MEOX2: variants seen among roughly 807,000 people sequenced by gnomAD.
MEOX2 encodes the protein homeobox protein MOX-2.
MEOX2 carries 11 observed loss-of-function variants against 27.0 expected under a neutral mutation model. The ratio of observed to expected loss-of-function variants is 0.41; its 90% CI spans 0.26 to 0.68. The LOEUF (loss-of-function observed/expected upper bound fraction) is 0.68. MEOX2 is among the 30% of genes least tolerant of loss of function. The probability of loss-of-function intolerance (pLI) is 0.33; values close to 1 mark genes in which losing one functional copy is unlikely to be tolerated. For synonymous variants in MEOX2, 189 were observed against 155.4 expected (o/e 1.22, Z -1.61); for missense variants, 436 against 385.4 (o/e 1.13, Z -1.10).
At chr7:15,623,097 A>C (rs1781245868) in intron 2 of MEOX2, among the ~76,000 whole-genome samples, 1 of 152,202 alleles carries the variant, frequency 6.6e-6, no homozygotes, top group South Asian at 2.1e-4. Flanking sequence ...CAGCCCCAAT[A>C]GACTACAAGC....
At chr7:15,669,310 T>C (rs540380940) in intron 1 of MEOX2, among the ~76,000 whole-genome samples, 1 of 152,266 alleles carries the variant, frequency 6.6e-6, no homozygotes, top group African/African-American at 2.4e-5. Flanking sequence ...CACTTATTTA[T>C]ATTTGGCTCA....
intron 1 of MEOX2, among the ~76,000 whole-genome samples, chr7:15,652,472 T>C (rs576091971): frequency 1.1e-4 from 16 of 151,976 alleles, no homozygotes; most frequent in Non-Finnish European, 1.9e-4. Flanking sequence ...GCAATAACAC[T>C]GCCACATTGG....
At chr7:15,673,134 T>A (rs1226741219) in intron 1 of MEOX2, among the ~76,000 whole-genome samples, 1 of 152,144 alleles carries the variant, frequency 6.6e-6, no homozygotes, top group African/African-American at 2.4e-5. Flanking sequence ...CCAAGAACTG[T>A]GCACCTAAGC....
rs370329082 is a variant in MEOX2 at position 15,641,702 on chromosome 7, T to C, written c.518-14784A>G. On this transcript the variant is annotated intron_variant, in intron 1 of 2. Transcript: ENST00000262041. ...TAGTCCCAATTGTGTAATTGCTTCA[T>C]AGCATCTATAAACTTTGTATTTTCA... Among the ~76,000 whole-genome samples, 360 of 152,304 alleles carry C rather than the reference T, an allele frequency of 2.4e-3. 3 individuals are homozygous for C. Among genetic ancestry groups the C allele is most frequent in the African/African-American group, 8.2e-3 (341 of 41,582 alleles).
chr7:15,671,002 G>A (rs1019597120), intron 1 of MEOX2, among the ~76,000 whole-genome samples: 3 of 152,132 alleles, frequency 2.0e-5, no homozygotes, highest in Non-Finnish European at 2.9e-5. Context: ...GACACTATGA[G>A]GCAGTAGTGG....
chr7:15,615,239 G>T (rs766072487), intron 2 of MEOX2, among the ~76,000 whole-genome samples: 20 of 152,106 alleles, frequency 1.3e-4, no homozygotes, highest in Non-Finnish European at 1.2e-4. Flanking sequence ...TTATGTTATA[G>T]ATGATAAAGT....
chr7:15,679,863 G>T (rs1480251402), intron 1 of MEOX2: 3 of 151,764 alleles, frequency 2.0e-5, no homozygotes, highest in Non-Finnish European at 4.4e-5. Flanking sequence ...GATTCTACCT[G>T]ATCATTCTTG....
chr7:15,658,549 C>T (rs1781861151), intron 1 of MEOX2, among the ~76,000 whole-genome samples: 1 of 152,150 alleles, frequency 6.6e-6, no homozygotes, highest in Non-Finnish European at 1.5e-5. Flanking sequence ...AAAAAGAGAA[C>T]TCACGATCTC....
chr7:15,621,533 G>C (rs1384009213), intron 2 of MEOX2, among the ~76,000 whole-genome samples: 2 of 152,126 alleles, frequency 1.3e-5, no homozygotes, highest in African/African-American at 4.8e-5. Context: ...ATGGAATTTG[G>C]AAATTCAAGT....
intron 1 of MEOX2, among the ~76,000 whole-genome samples, chr7:15,655,052 T>C (rs1442057913): frequency 6.6e-6 from 1 of 151,750 alleles, no homozygotes; most frequent in Non-Finnish European, 1.5e-5. Flanking sequence ...TAAATTCAAT[T>C]TCCTAAATAA....
rs1781827361 is a variant in MEOX2 at position 15,656,716 on chromosome 7, CA to C, written c.517+29169del. ...ACATTATAACTTTTGCTTTATGTAA[CA>C]ATAATAACATAAAACTCAAAAGAGA... On this transcript the variant is annotated intron_variant, in intron 1 of 2. Coordinates refer to ENST00000262041, the MANE Select transcript of MEOX2 (RefSeq NM_005924.5). Among the ~76,000 whole-genome samples, 3 of 151,774 alleles carry C rather than the reference CA, an allele frequency of 2.0e-5. No individual in the cohort carries two copies. The South Asian group carries it at 6.2e-4, about 31-fold the overall frequency.
In MEOX2 at chr7:15,686,283, C is replaced by A. The variant is rs1171607657; in HGVS notation, c.120G>T (p.Glu40Asp). 6.2e-7 allele frequency: 1 copy of A among 1,612,354 alleles called. No individual in the cohort carries two copies. Among genetic ancestry groups the A allele is most frequent in the Non-Finnish European group, 8.5e-7 (1 of 1,179,204 alleles). The stretch of plus-strand genomic sequence containing the variant: ...TGCAAGATGAGGAAGAAGTAGAGAG[C>A]TCGGGGTAAGACATATGGTCAGATC... The part of the protein sequence containing the change: ...HGRSDHMSYP[E>D]LSTSSSSCII... The change falls in exon 1 of 3, where the codon GAG (glutamate) becomes GAT (aspartate). Residue 40 changes from glutamate (E) to aspartate (D), a missense_variant. Glu to Asp is a conservative substitution (Grantham distance 45, BLOSUM62 2). Coordinates refer to ENST00000262041, the MANE Select transcript of MEOX2 (RefSeq NM_005924.5).
chr7:15,658,808 C>G (rs968126477), intron 1 of MEOX2, among the ~76,000 whole-genome samples: 6 of 152,192 alleles, frequency 3.9e-5, no homozygotes, highest in African/African-American at 1.4e-4. Context: ...TCATAAGACA[C>G]TGAATCTGCC....
chr7:15,657,909 G>C (rs1294282325), intron 1 of MEOX2, among the ~76,000 whole-genome samples: 1 of 152,152 alleles, frequency 6.6e-6, no homozygotes, highest in African/African-American at 2.4e-5. Flanking sequence ...GGTGGAGCAG[G>C]CTCCTTAGTG....
intron 1 of MEOX2, among the ~76,000 whole-genome samples, chr7:15,640,347 A>G (rs1204770888): frequency 6.6e-6 from 1 of 152,038 alleles, no homozygotes; most frequent in Non-Finnish European, 1.5e-5. Context: ...GTTGTTGTAT[A>G]CAATGAAATT....
chr7:15,664,579 C>A (rs1220261470), intron 1 of MEOX2, among the ~76,000 whole-genome samples: 3 of 152,220 alleles, frequency 2.0e-5, no homozygotes, highest in African/African-American at 7.2e-5. Context: ...GATCAACTAC[C>A]ATTTGATTTA....
At chr7:15,684,273 T>G (rs1285250847) in intron 1 of MEOX2, among the ~76,000 whole-genome samples, 8 of 152,192 alleles carry the variant, frequency 5.3e-5, no homozygotes, top group Admixed American at 5.2e-4. Context: ...CTTCCAAAGT[T>G]ACACTGATAT....
chr7:15,681,054 G>A (rs892780515), intron 1 of MEOX2: 2 of 151,210 alleles, frequency 1.3e-5, no homozygotes, highest in African/African-American at 4.8e-5. Flanking sequence ...GAAAATTTGG[G>A]TGAGATAAAT....
chr7:15,679,044 C>G (rs1194773124), intron 1 of MEOX2: 1 of 152,120 alleles, frequency 6.6e-6, no homozygotes, highest in African/African-American at 2.4e-5. Context: ...GGACTCTTCA[C>G]AAAACTATAT....
Sources: gnomAD v4.1 joint callset for allele counts (sites outside exome capture counted in the v4.1 genomes callset) on GRCh38, gnomAD v4.1.1 for gene constraint, MANE v1.5 for transcripts, NCBI Gene and HGNC (gene_info 2026-07-23, HGNC 2026-07-21) for gene names.